Variants in GPR176 observed in about 807,000 individuals in gnomAD.
GPR176 encodes the protein G protein-coupled receptor 176.
In GPR176, 26 loss-of-function variants were observed where a neutral mutation model predicts 35.4. That is an observed-to-expected ratio of 0.74 (90% CI 0.54 to 1.02). The LOEUF is 1.02. Ranked by LOEUF, GPR176 falls within the 50% of genes least tolerant of loss-of-function variation. GPR176 has a pLI of 0.00. For synonymous variants in GPR176, 278 were observed against 271.3 expected (o/e 1.02, Z -0.24); for missense variants, 597 against 665.3 (o/e 0.90, Z 1.13).
intron 1 of GPR176, among the ~76,000 whole-genome samples, chr15:39,829,589 C>CTGTTATAAAACACTTA (rs6145532): frequency 0.94 from 142,710 of 152,056 alleles, 67,345 homozygotes; most frequent in Non-Finnish European, 0.99. Flanking sequence ...ACTACTTTCT[C>CTGTTATAAAACACTTA]TGTTATAAAC....
At position 39,845,775 on chromosome 15, in the gene GPR176, G is replaced by T. The variant is rs539314409; in HGVS notation, c.173-38517C>A. Among the ~76,000 whole-genome samples the T allele has an allele frequency of 4.6e-5, 7 of 152,278 alleles. No homozygotes were observed. In the East Asian group the frequency reaches 1.4e-3, roughly 29 times the overall value. ...AAGCCCTGAAGCATAAACGAGCTTG[G>T]TGTTCTAGAAACAGAAACTACGTAA... is the stretch of plus-strand genomic sequence containing the variant. On this transcript the variant is annotated intron_variant, in intron 1 of 2. Coordinates refer to ENST00000561100, the MANE Select transcript of GPR176 (RefSeq NM_007223.3).
intron 1 of GPR176, among the ~76,000 whole-genome samples, chr15:39,822,558 A>G (rs1900346359): frequency 6.6e-6 from 1 of 152,196 alleles, no homozygotes. Context: ...GTAGTTACTG[A>G]GCAACCACAA....
chr15:39,876,833 A>AGAGGGAGAGAGGGAGG (rs2032266909), intron 1 of GPR176, among the ~76,000 whole-genome samples: 1 of 151,894 alleles, frequency 6.6e-6, no homozygotes, highest in African/African-American at 2.4e-5. Flanking sequence ...AGAGAGAGAG[A>AGAGGGAGAGAGGGAGG]GAGGGAGAGA....
chr15:39,862,369 AG>A (rs924845189), intron 1 of GPR176: 2 of 152,252 alleles, frequency 1.3e-5, no homozygotes, highest in African/African-American at 4.8e-5. Context: ...CAGGAAAAGC[AG>A]GCTTTTTGAT....
intron 1 of GPR176, among the ~76,000 whole-genome samples, chr15:39,887,599 T>TA (rs10561003): frequency 0.098 from 13,949 of 141,788 alleles, 994 homozygotes; most frequent in Admixed American, 0.21. Context: ...AATTTAAATT[T>TA]AAAAAAAAAA....
chr15:39,829,936 T>C (rs1403327215), intron 1 of GPR176, among the ~76,000 whole-genome samples: 1 of 152,044 alleles, frequency 6.6e-6, no homozygotes, highest in African/African-American at 2.4e-5. Context: ...TCAAATAACT[T>C]TGTATATTCT....
intron 1 of GPR176, among the ~76,000 whole-genome samples, chr15:39,911,264 T>G (rs1383944309): frequency 6.6e-6 from 1 of 151,972 alleles, no homozygotes; most frequent in Non-Finnish European, 1.5e-5. Flanking sequence ...GGAACTTTAA[T>G]CAGAAAAAAA....
intron 2 of GPR176, among the ~76,000 whole-genome samples, chr15:39,803,605 C>T (rs1247327690): frequency 1.3e-5 from 2 of 152,072 alleles, no homozygotes; most frequent in Admixed American, 1.3e-4. Context: ...CTTCTGAGCA[C>T]CACCTATGCA....
intron 1 of GPR176, among the ~76,000 whole-genome samples, chr15:39,897,396 A>T (rs547983119): frequency 2.6e-5 from 4 of 152,306 alleles, no homozygotes; most frequent in Non-Finnish European, 5.9e-5. Context: ...ACACATTTAC[A>T]AAACACTTAC....
intron 1 of GPR176, chr15:39,894,656 T>G (rs1482811714): frequency 5.9e-6 from 1 of 170,170 alleles, no homozygotes; most frequent in Non-Finnish European, 1.3e-5. Flanking sequence ...ACTTCCTAGA[T>G]GTGATGGCGG....
intron 1 of GPR176, among the ~76,000 whole-genome samples, chr15:39,912,578 A>T (rs1412378556): frequency 2.6e-5 from 4 of 151,120 alleles, no homozygotes; most frequent in Non-Finnish European, 4.4e-5. Flanking sequence ...TGATCGCACC[A>T]CTTCACTCCA....
intron 1 of GPR176, among the ~76,000 whole-genome samples, chr15:39,893,151 AG>A (rs1371234782): frequency 2.0e-5 from 3 of 151,718 alleles, no homozygotes; most frequent in Admixed American, 6.6e-5. Flanking sequence ...TTTCTCACAC[AG>A]GGGGATTTGG....
At chr15:39,917,209 G>A (rs942144114) in intron 1 of GPR176, among the ~76,000 whole-genome samples, 4 of 151,726 alleles carry the variant, frequency 2.6e-5, no homozygotes, top group African/African-American at 7.3e-5. Context: ...CTTGAAGCCG[G>A]GAGGCAGAGG....
intron 1 of GPR176, among the ~76,000 whole-genome samples, chr15:39,910,713 G>A (rs896900036): frequency 3.9e-5 from 6 of 152,196 alleles, no homozygotes; most frequent in Non-Finnish European, 5.9e-5. Context: ...GAGAGGAATA[G>A]GGGAGATTCA....
rs1595423778 is a variant in GPR176, at chr15:39,799,600, A to G, written c.*1532T>C. On this transcript the variant is annotated 3_prime_UTR_variant, in exon 3 of 3. Coordinates refer to ENST00000561100, the MANE Select transcript of GPR176 (RefSeq NM_007223.3). Reference sequence around the variant, plus strand: ...GGGGCCAGTGTGGCCAAAAGAGGGCACGAGTTGAGATGTGGAAGTTTGCTG... The same window carrying G: ...GGGGCCAGTGTGGCCAAAAGAGGGCGCGAGTTGAGATGTGGAAGTTTGCTG... The G allele has an allele frequency of 6.6e-6, 1 of 152,180 alleles. No individual in the cohort carries two copies. The highest frequency in any genetic ancestry group is 1.5e-5 in the Non-Finnish European group (1 of 68,052). 9.4% of individuals were successfully genotyped at this position (152,180 alleles called of 1,614,324 possible). A position where few individuals can be genotyped will look rare whatever the true frequency, so the allele number is the denominator to read the frequency against.
chr15:39,913,960 G>A (rs1369463466), intron 1 of GPR176, among the ~76,000 whole-genome samples: 1 of 152,014 alleles, frequency 6.6e-6, no homozygotes, highest in Non-Finnish European at 1.5e-5. Flanking sequence ...GCAGGAGAAT[G>A]GCGTGAACCT....
intron 1 of GPR176, among the ~76,000 whole-genome samples, chr15:39,892,795 C>G (rs1461424007): frequency 6.6e-6 from 1 of 152,202 alleles, no homozygotes; most frequent in Non-Finnish European, 1.5e-5. Context: ...CCAGCCCTGC[C>G]GGCAGCTTGA....
At chr15:39,878,290 C>A (rs1262358924) in intron 1 of GPR176, among the ~76,000 whole-genome samples, 1 of 152,154 alleles carries the variant, frequency 6.6e-6, no homozygotes, top group Non-Finnish European at 1.5e-5. Flanking sequence ...ATTTCTCCCA[C>A]CCCTGACAGC....
At chr15:39,824,416 T>C (rs1488143779) in intron 1 of GPR176, among the ~76,000 whole-genome samples, 1 of 152,266 alleles carries the variant, frequency 6.6e-6, no homozygotes, top group Non-Finnish European at 1.5e-5. Context: ...CCTCACTTTT[T>C]AGGTCTTCTT....
Sources: gnomAD v4.1 joint callset for allele counts (sites outside exome capture counted in the v4.1 genomes callset) on GRCh38, gnomAD v4.1.1 for gene constraint, MANE v1.5 for transcripts, NCBI Gene and HGNC (gene_info 2026-07-23, HGNC 2026-07-21) for gene names.